NSUN6: variants seen among roughly 807,000 people sequenced by gnomAD.
NSUN6 encodes tRNA (cytosine(72)-C(5))-methyltransferase NSUN6.
In NSUN6, 64 loss-of-function variants were observed where a neutral mutation model predicts 58.0. The ratio of observed to expected loss-of-function variants is 1.10; its 90% CI spans 0.90 to 1.36. The LOEUF (loss-of-function observed/expected upper bound fraction) is 1.36, where lower values mean the gene tolerates loss of function less well. Among genes scored for constraint, NSUN6 ranks in the 40% most tolerant of loss-of-function variants. NSUN6 has a pLI of 0.00. For synonymous variants in NSUN6, 231 were observed against 193.9 expected (o/e 1.19, Z -1.59); for missense variants, 701 against 550.1 (o/e 1.27, Z -2.74).
chr10:18,568,319 T>C (rs888613821), intron 8 of NSUN6, among the ~76,000 whole-genome samples: 1 of 150,980 alleles, frequency 6.6e-6, no homozygotes, highest in Non-Finnish European at 1.5e-5. Flanking sequence ...CCATTCCGCA[T>C]TCCATTCTAT....
chr10:18,579,263 C>G (rs1398351784), intron 8 of NSUN6, among the ~76,000 whole-genome samples: 1 of 152,112 alleles, frequency 6.6e-6, no homozygotes, highest in Non-Finnish European at 1.5e-5. Flanking sequence ...AGCTCTGCCT[C>G]CCGTTCATGC....
At position 18,625,209 on chromosome 10, in the gene NSUN6, G is replaced by T. The variant is rs117437985; in HGVS notation, c.312-8916C>A. 9.2e-4 allele frequency among the ~76,000 whole-genome samples: 140 copies of T among 152,236 alleles called. 2 individuals are homozygous for T. The East Asian group carries it at 0.026, about 29-fold the overall frequency. Reference sequence around the variant, plus strand: ...ATAAACCATAGCCATTGGTGTGACCGTATGCTAGGTTCTGTGAGTCTTAGC... The same window carrying T: ...ATAAACCATAGCCATTGGTGTGACCTTATGCTAGGTTCTGTGAGTCTTAGC... On this transcript the variant is annotated intron_variant, in intron 3 of 10. Coordinates refer to ENST00000377304, the MANE Select transcript of NSUN6 (RefSeq NM_182543.5).
chr10:18,563,960 C>T lies in NSUN6; in HGVS notation c.923-11989G>A, dbSNP rs201382917. ...TCTTCACTCCATTCCATTCTCGATT[C>T]CTTTCTATTCTCCACTCCATTCCAT... is the stretch of plus-strand genomic sequence containing the variant. On this transcript the variant is annotated intron_variant, in intron 8 of 10. Transcript: ENST00000377304. 6.6e-5 allele frequency among the ~76,000 whole-genome samples: 10 copies of T among 151,130 alleles called. No homozygotes were observed. The East Asian group carries it at 2.0e-3, about 30-fold the overall frequency.
chr10:18,652,931 A>G (rs1053886398), upstream of NSUN6: 7 of 984,942 alleles, frequency 7.1e-6, no homozygotes, highest in Middle Eastern at 1.6e-3. Flanking sequence ...CACAAATAAA[A>G]AGCCAGGATA....
chr10:18,586,198 C>T, intron 7 of NSUN6, 105 bp from the exon 8 acceptor site: 1 of 818,594 alleles, frequency 1.2e-6, no homozygotes. Flanking sequence ...ATGGTCTTTT[C>T]CACCATACTC....
intron 3 of NSUN6, among the ~76,000 whole-genome samples, chr10:18,635,608 G>A (rs1425535076): frequency 4.6e-5 from 7 of 152,078 alleles, no homozygotes; most frequent in Non-Finnish European, 1.0e-4. Context: ...AAGCCAAGGT[G>A]GGTGGATCAC....
intron 2 of NSUN6, among the ~76,000 whole-genome samples, chr10:18,646,293 C>T (rs542202308): frequency 5.9e-5 from 9 of 152,156 alleles, no homozygotes; most frequent in Non-Finnish European, 1.2e-4. Flanking sequence ...CTTTAGGACA[C>T]GTGAACTTTT....
intron 3 of NSUN6, among the ~76,000 whole-genome samples, chr10:18,625,616 G>C (rs1401931887): frequency 1.3e-5 from 2 of 150,734 alleles, no homozygotes; most frequent in African/African-American, 2.4e-5. Flanking sequence ...CGGAGGGTGA[G>C]GCAGGAGAAT....
chr10:18,612,380 C>G (rs1302893655), intron 5 of NSUN6, among the ~76,000 whole-genome samples: 1 of 152,130 alleles, frequency 6.6e-6, no homozygotes, highest in Non-Finnish European at 1.5e-5. Context: ...TTTCATCACA[C>G]CACTCCAGCC....
intron 7 of NSUN6, among the ~76,000 whole-genome samples, chr10:18,589,064 G>A (rs2057280873): frequency 6.6e-6 from 1 of 152,190 alleles, no homozygotes; most frequent in South Asian, 2.1e-4. Flanking sequence ...CCAGTTTAGA[G>A]AGGAACATAA....
chr10:18,550,811 G>A (rs915702323), intron 9 of NSUN6, among the ~76,000 whole-genome samples: 1 of 148,934 alleles, frequency 6.7e-6, no homozygotes, highest in Non-Finnish European at 1.5e-5. Context: ...TGCAACCTTC[G>A]CCTCCCGAGT....
At chr10:18,583,076 C>G (rs534124331) in intron 8 of NSUN6, among the ~76,000 whole-genome samples, 1 of 152,192 alleles carries the variant, frequency 6.6e-6, no homozygotes, top group Admixed American at 6.5e-5. Flanking sequence ...AAACCACAGC[C>G]AGTTCCTGCC....
At chr10:18,637,725 C>G (rs1387587752) in intron 3 of NSUN6, among the ~76,000 whole-genome samples, 3 of 152,112 alleles carry the variant, frequency 2.0e-5, no homozygotes, top group Non-Finnish European at 2.9e-5. Flanking sequence ...AAATGTCTAT[C>G]AATGGAGGAT....
intron 2 of NSUN6, among the ~76,000 whole-genome samples, chr10:18,645,369 T>C (rs1188078116): frequency 6.6e-6 from 1 of 152,180 alleles, no homozygotes; most frequent in Non-Finnish European, 1.5e-5. Flanking sequence ...AGGCTATGTA[T>C]ACAAGGTGAA....
chr10:18,600,956 A>G (rs140956263), intron 6 of NSUN6, among the ~76,000 whole-genome samples: 1,661 of 63,512 alleles, frequency 0.026, 1 homozygote, highest in Non-Finnish European at 0.043. Flanking sequence ...ATATATATAT[A>G]TATACATATA....
upstream of NSUN6, among the ~76,000 whole-genome samples, chr10:18,656,172 A>T (rs1434034113): frequency 1.3e-5 from 2 of 152,238 alleles, no homozygotes; most frequent in African/African-American, 2.4e-5. Flanking sequence ...TATGGCAGGT[A>T]GAATTTTCTG....
At chr10:18,555,818 A>C (rs748980904) in intron 8 of NSUN6, among the ~76,000 whole-genome samples, 5 of 150,680 alleles carry the variant, frequency 3.3e-5, no homozygotes, top group African/African-American at 1.2e-4. Context: ...AATGGAATGG[A>C]AAGTGGAATG....
intron 3 of NSUN6, among the ~76,000 whole-genome samples, chr10:18,636,888 C>CA (rs2059234250): frequency 7.8e-6 from 1 of 127,794 alleles, no homozygotes; most frequent in African/African-American, 3.0e-5. Flanking sequence ...GATTCCATCT[C>CA]AAAAAAATAA....
At chr10:18,651,682 C>T (rs1322614065), upstream of NSUN6, 2 of 985,790 alleles carry the variant, frequency 2.0e-6, no homozygotes, top group Non-Finnish European at 2.4e-6. Flanking sequence ...CTTTCCGGTC[C>T]CCCAATCCAC....
Sources: allele counts gnomAD v4.1 joint callset (sites outside exome capture counted in the v4.1 genomes callset), GRCh38; gene constraint gnomAD v4.1.1; transcripts MANE v1.5; gene names NCBI Gene and HGNC (gene_info 2026-07-23, HGNC 2026-07-21).